Variants in CLCC1 observed in about 807,000 individuals in gnomAD.
The protein encoded by CLCC1 is chloride channel CLIC-like protein 1.
Under a neutral mutation model 63.3 loss-of-function variants are expected in CLCC1, and 39 were observed. The observed-to-expected ratio is 0.62, with a 90% CI of 0.48 to 0.81. The LOEUF is 0.81. Among genes scored for constraint, CLCC1 ranks in the 30% least tolerant of loss-of-function variants. The pLI is 0.00. For missense variants in CLCC1, 549 were observed against 669.4 expected, an observed-to-expected ratio of 0.82 and a Z score of 1.98; for synonymous variants, 217 against 239.8, an observed-to-expected ratio of 0.90 and a Z score of 0.88.
At position 108,934,706 on chromosome 1, in the gene CLCC1, T is replaced by C; in HGVS notation, c.1620A>G (p.Pro540=). ...TYSPARGVAG[P]RGQDPVSSPC... is the part of the protein sequence containing the mutation. The stretch of plus-strand genomic sequence containing the variant: ...GGCTGCTGACCGGATCCTGTCCACG[T>C]GGTCCAGCCACACCTCTTGCGGGGC... The change falls in exon 12 of 13, where the codon CCA becomes CCG. Residue 540 remains proline (P), a synonymous_variant. Coordinates refer to ENST00000369969, the MANE Select transcript of CLCC1 (RefSeq NM_001377458.1). 1 of 1,613,922 alleles carries C rather than the reference T, an allele frequency of 6.2e-7. No individual in the cohort carries two copies. The highest frequency in any genetic ancestry group is 8.5e-7 in the Non-Finnish European group (1 of 1,180,034).
Position 108,929,569 on chromosome 1 carries a change from CAA to C in CLCC1, c.*2976_*2977del. On this transcript the variant is annotated 3_prime_UTR_variant, in exon 13 of 13. Transcript: ENST00000369969. ...GGAACTAAAGAGAACAATATAAAAA[CAA>C]AGATTAATTTCTGAGAAGCCCCAAA... 2 of 776,296 alleles carry C rather than the reference CAA, an allele frequency of 2.6e-6. No individual in the cohort carries two copies. The highest frequency in any genetic ancestry group is 2.2e-6 in the Non-Finnish European group (1 of 453,534). The allele number at this position is 776,296 out of a possible 1,614,324, so 48.1% of individuals were successfully genotyped here.
Position 108,930,305 on chromosome 1 carries a change from T to A in CLCC1, c.*2242A>T, listed in dbSNP as rs1475969083. The A allele has an allele frequency of 5.4e-5, 10 of 185,458 alleles. No individual in the cohort carries two copies. The highest frequency in any genetic ancestry group is 2.3e-3 in the Middle Eastern group (1 of 434). 11.5% of individuals were successfully genotyped at this position (185,458 alleles called of 1,614,324 possible). A position where few individuals can be genotyped will look rare whatever the true frequency, so the allele number is the denominator to read the frequency against. ...ATCTTAATTGACAATGGCGTTTTTTTATACATAACCATGGATGTAGTGGGA... is the reference window on the plus strand; with the variant it reads ...ATCTTAATTGACAATGGCGTTTTTTAATACATAACCATGGATGTAGTGGGA... On this transcript the variant is annotated 3_prime_UTR_variant, in exon 13 of 13. Coordinates refer to ENST00000369969, the MANE Select transcript of CLCC1 (RefSeq NM_001377458.1).
chr1:108,936,507 G>A (rs1653024967), intron 11 of CLCC1, among the ~76,000 whole-genome samples: 1 of 152,196 alleles, frequency 6.6e-6, no homozygotes, highest in Admixed American at 6.5e-5. Flanking sequence ...TTTAACAGCT[G>A]CAATTTAAAC....
chr1:108,931,628 T>TAA lies in CLCC1; in HGVS notation c.*917_*918dup, dbSNP rs71593448. 131,025 of 802,182 alleles carry TAA rather than the reference T, an allele frequency of 0.16. 7,701 individuals carry two copies. Among genetic ancestry groups the TAA allele is most frequent in the African/African-American group, 0.41 (20,915 of 51,356 alleles). 49.7% of individuals were successfully genotyped at this position (802,182 alleles called of 1,614,324 possible). A position where few individuals can be genotyped will look rare whatever the true frequency, so the allele number is the denominator to read the frequency against. On this transcript the variant is annotated 3_prime_UTR_variant, in exon 13 of 13. Transcript: ENST00000369969. Reference sequence around the variant, plus strand: ...GAATTAATTACATTAAGTGCTCAGCTAAAAAAAAAAAAAAAGTTCTAAATT... The same window carrying TAA: ...GAATTAATTACATTAAGTGCTCAGCTAAAAAAAAAAAAAAAAAGTTCTAAATT...
intron 2 of CLCC1, among the ~76,000 whole-genome samples, chr1:108,955,642 T>G (rs568759939): frequency 7.9e-5 from 12 of 151,468 alleles, no homozygotes; most frequent in Non-Finnish European, 1.6e-4. Flanking sequence ...AAGACTGGTT[T>G]GTGAGTCAGC....
chr1:108,943,028 G>A (rs1017889591), intron 7 of CLCC1, among the ~76,000 whole-genome samples: 1 of 152,022 alleles, frequency 6.6e-6, no homozygotes, highest in African/African-American at 2.4e-5. Flanking sequence ...TCCTGCCTCA[G>A]CCTGCTGAGT....
intron 2 of CLCC1, among the ~76,000 whole-genome samples, chr1:108,961,489 G>A (rs917238316): frequency 1.3e-5 from 2 of 152,052 alleles, no homozygotes; most frequent in African/African-American, 2.4e-5. Context: ...TCTCTCTCCC[G>A]CAGTCCCTAC....
chr1:108,956,280 C>A (rs1237704863), intron 2 of CLCC1, among the ~76,000 whole-genome samples: 2 of 151,344 alleles, frequency 1.3e-5, no homozygotes, highest in Non-Finnish European at 2.9e-5. Flanking sequence ...CAGCCAACAT[C>A]ATGTAGAATA....
chr1:108,956,313 C>T (rs765809374), intron 2 of CLCC1, among the ~76,000 whole-genome samples: 2 of 151,240 alleles, frequency 1.3e-5, no homozygotes, highest in Non-Finnish European at 2.9e-5. Flanking sequence ...AGCTGAGCCC[C>T]ATCACACCCC....
intron 10 of CLCC1, among the ~76,000 whole-genome samples, chr1:108,938,055 T>G (rs1345409890): frequency 6.6e-6 from 1 of 152,186 alleles, no homozygotes; most frequent in African/African-American, 2.4e-5. Context: ...TTCCAGATGC[T>G]AGAGTGACAG....
At chr1:108,950,579 T>C in intron 2 of CLCC1, 131 bp from the exon 3 acceptor site, 1 of 414,148 alleles carries the variant, frequency 2.4e-6, no homozygotes, top group Non-Finnish European at 3.8e-6. Context: ...TGGAGTACAG[T>C]GATACAATCA....
At chr1:108,953,729 GGCCAGGTGCAGTAGCTCAC>G (rs1460230539) in intron 2 of CLCC1, among the ~76,000 whole-genome samples, 3 of 152,190 alleles carry the variant, frequency 2.0e-5, no homozygotes, top group Non-Finnish European at 2.9e-5. Context: ...AAGCACATCT[GGCCAGGTGCAGTAGCTCAC>G]GCCTGTGATC....
intron 4 of CLCC1, 62 bp from the exon 5 acceptor site, chr1:108,947,780 T>C: frequency 3.7e-6 from 4 of 1,092,874 alleles, no homozygotes; most frequent in Non-Finnish European, 5.4e-6. Flanking sequence ...GGGTTAAGTT[T>C]CTAGCCTAGT....
At chr1:108,953,933 C>T (rs1402190964) in intron 2 of CLCC1, among the ~76,000 whole-genome samples, 1 of 146,206 alleles carries the variant, frequency 6.8e-6, no homozygotes, top group Non-Finnish European at 1.5e-5. Flanking sequence ...TAACTCGAAC[C>T]TGGGAGGCAG....
At chr1:108,942,503 T>C (rs918864238) in intron 7 of CLCC1, among the ~76,000 whole-genome samples, 3 of 152,198 alleles carry the variant, frequency 2.0e-5, no homozygotes, top group African/African-American at 7.2e-5. Flanking sequence ...CCAGATGAAA[T>C]CATTGAAAAT....
rs1206730681 is a variant in CLCC1 at position 108,929,922 on chromosome 1, A to C, written c.*2625T>G. ...TGTTGGAGTTTAAAAATTCAGGGAA[A>C]AAATCGGCAGACCATTAGTTACTAT... On this transcript the variant is annotated 3_prime_UTR_variant, in exon 13 of 13. Transcript: ENST00000369969. 8.8e-5 allele frequency: 142 copies of C among 1,613,576 alleles called. No individual in the cohort carries two copies. Among genetic ancestry groups the C allele is most frequent in the Non-Finnish European group, 1.2e-4 (139 of 1,179,626 alleles).
chr1:108,953,324 G>C (rs1391468738), intron 2 of CLCC1, among the ~76,000 whole-genome samples: 1 of 152,188 alleles, frequency 6.6e-6, no homozygotes, highest in Non-Finnish European at 1.5e-5. Context: ...TCTTCCATTA[G>C]CACAATAGCT....
chr1:108,954,171 C>A (rs368555343), intron 2 of CLCC1, among the ~76,000 whole-genome samples: 2 of 151,074 alleles, frequency 1.3e-5, no homozygotes, highest in South Asian at 2.1e-4. Context: ...AGGATGGATA[C>A]GGTGAGAGGT....
intron 2 of CLCC1, among the ~76,000 whole-genome samples, chr1:108,959,837 C>A (rs1425995304): frequency 6.6e-6 from 1 of 152,114 alleles, no homozygotes; most frequent in African/African-American, 2.4e-5. Context: ...ATAAATAGAA[C>A]AATAGTTTCT....
Sources: gnomAD v4.1 joint callset for allele counts (sites outside exome capture counted in the v4.1 genomes callset) on GRCh38, gnomAD v4.1.1 for gene constraint, MANE v1.5 for transcripts, NCBI Gene and HGNC (gene_info 2026-07-23, HGNC 2026-07-21) for gene names.